The following ST6GALNAC3 variants were observed in gnomAD, a reference collection of about 807,000 sequenced individuals.
ST6GALNAC3 encodes alpha-N-acetylgalactosaminide alpha-2,6-sialyltransferase 3.
Under a neutral mutation model 32.7 loss-of-function variants are expected in ST6GALNAC3, and 25 were observed. The ratio of observed to expected loss-of-function variants is 0.76; its 90% CI spans 0.56 to 1.07. ST6GALNAC3 has a LOEUF of 1.07. Among genes scored for constraint, ST6GALNAC3 ranks in the 50% least tolerant of loss-of-function variants. The pLI is 0.00. For synonymous variants in ST6GALNAC3, 129 were observed against 133.1 expected, an observed-to-expected ratio of 0.97 and a Z score of 0.21; for missense variants, 355 against 382.4, an observed-to-expected ratio of 0.93 and a Z score of 0.60.
intron 3 of ST6GALNAC3, among the ~76,000 whole-genome samples, chr1:76,417,739 A>G (rs1009692443): frequency 6.6e-6 from 1 of 152,166 alleles, no homozygotes; most frequent in Non-Finnish European, 1.5e-5. Context: ...AGTCCCCATT[A>G]AAAGAGCAAA....
At chr1:76,475,900 C>A (rs1305997074) in intron 3 of ST6GALNAC3, among the ~76,000 whole-genome samples, 1 of 152,078 alleles carries the variant, frequency 6.6e-6, no homozygotes, top group African/African-American at 2.4e-5. Context: ...CTCACTGTGT[C>A]CTTCTGTTCT....
In ST6GALNAC3 at chr1:76,633,699, T is replaced by C. The variant is rs1649406826; in HGVS notation, c.*4893T>C. 1.3e-5 allele frequency: 2 copies of C among 152,312 alleles called. No homozygotes were observed. Among genetic ancestry groups the C allele is most frequent in the South Asian group, 2.1e-4 (1 of 4,828 alleles). The allele number at this position is 152,312 out of a possible 1,614,324, so 9.4% of individuals were successfully genotyped here. A position where few individuals can be genotyped will look rare whatever the true frequency, so the allele number is the denominator to read the frequency against. The stretch of plus-strand genomic sequence containing the variant: ...ACACCACCCTTTGGGTTCATGCTCA[T>C]CCCTGCACTCCATGTGACCTTTGAG... On this transcript the variant is annotated 3_prime_UTR_variant, in exon 5 of 5. Coordinates refer to ENST00000328299, the MANE Select transcript of ST6GALNAC3 (RefSeq NM_152996.4).
At chr1:76,314,175 A>G (rs145984911) in intron 2 of ST6GALNAC3, among the ~76,000 whole-genome samples, 176 bp downstream of exon 2, 99 of 152,202 alleles carry the variant, frequency 6.5e-4, no homozygotes, top group African/African-American at 2.3e-3. Context: ...ACAAATGTCT[A>G]AATCTGCCAC....
intron 2 of ST6GALNAC3, among the ~76,000 whole-genome samples, chr1:76,401,586 A>C (rs1296683646): frequency 6.6e-6 from 1 of 152,082 alleles, no homozygotes; most frequent in Non-Finnish European, 1.5e-5. Flanking sequence ...TGTGCTTAAA[A>C]CTTTATTTGT....
At chr1:76,113,335 CGGGAGA>C (rs1168358705) in intron 1 of ST6GALNAC3, among the ~76,000 whole-genome samples, 5 of 15,340 alleles carry the variant, frequency 3.3e-4, no homozygotes, top group South Asian at 1.8e-3. Context: ...CGTGGGGAGA[CGGGAGA>C]GGGAGGGGGA....
At chr1:76,334,993 T>C (rs989243313) in intron 2 of ST6GALNAC3, among the ~76,000 whole-genome samples, 1 of 152,186 alleles carries the variant, frequency 6.6e-6, no homozygotes, top group Non-Finnish European at 1.5e-5. Context: ...CCCAAAGCTC[T>C]TCTAATATTA....
intron 3 of ST6GALNAC3, among the ~76,000 whole-genome samples, chr1:76,466,416 C>T (rs1434194891): frequency 2.0e-5 from 3 of 151,920 alleles, no homozygotes; most frequent in Non-Finnish European, 4.4e-5. Flanking sequence ...GAGAGCAATC[C>T]ATGGAAATAC....
rs115238003 is a variant in ST6GALNAC3 at position 76,178,980 on chromosome 1, G to A, written c.18+104096G>A. Among the ~76,000 whole-genome samples the A allele has an allele frequency of 3.9e-3, 584 of 150,436 alleles. 5 individuals carry two copies. The highest frequency in any genetic ancestry group is 0.014 in the African/African-American group (567 of 41,364). ...GCTCTTTGTGGGCTGGTTTGCCCCC[G>A]GAACTATTGCTCTGAGTTCTTCTGT... is the stretch of plus-strand genomic sequence containing the variant. On this transcript the variant is annotated intron_variant, in intron 1 of 4. Coordinates refer to ENST00000328299, the MANE Select transcript of ST6GALNAC3 (RefSeq NM_152996.4).
At chr1:76,292,707 G>T (rs561525973) in intron 1 of ST6GALNAC3, among the ~76,000 whole-genome samples, 1 of 152,222 alleles carries the variant, frequency 6.6e-6, no homozygotes, top group East Asian at 1.9e-4. Context: ...TCCATTTGGG[G>T]TGTTCACTTC....
chr1:76,152,165 A>G (rs1651085515), intron 1 of ST6GALNAC3, among the ~76,000 whole-genome samples: 1 of 152,212 alleles, frequency 6.6e-6, no homozygotes, highest in Non-Finnish European at 1.5e-5. Flanking sequence ...AAAGTCTCCT[A>G]GGAAGATCAT....
intron 3 of ST6GALNAC3, among the ~76,000 whole-genome samples, chr1:76,485,993 T>C (rs909763075): frequency 1.3e-5 from 2 of 152,218 alleles, no homozygotes; most frequent in African/African-American, 4.8e-5. Context: ...CCAGTAGTCA[T>C]TCAGGAGCAG....
At chr1:76,602,801 C>T (rs142756897) in intron 3 of ST6GALNAC3, among the ~76,000 whole-genome samples, 266 of 151,390 alleles carry the variant, frequency 1.8e-3, no homozygotes, top group African/African-American at 6.3e-3. Flanking sequence ...AGATAAAAAG[C>T]AAACACACAA....
intron 1 of ST6GALNAC3, among the ~76,000 whole-genome samples, chr1:76,130,921 C>T (rs1463420224): frequency 6.6e-6 from 1 of 152,236 alleles, no homozygotes; most frequent in Non-Finnish European, 1.5e-5. Context: ...AAATATCCCA[C>T]TCAGAGTCAG....
intron 2 of ST6GALNAC3, among the ~76,000 whole-genome samples, chr1:76,370,046 A>G (rs1037754474): frequency 7.9e-5 from 12 of 152,188 alleles, no homozygotes; most frequent in Non-Finnish European, 2.9e-5. Context: ...AATTTGTAAA[A>G]TAATGTAGAA....
rs535953373 is a variant in ST6GALNAC3 at position 76,522,730 on chromosome 1, A to G, written c.624-104722A>G. Among the ~76,000 whole-genome samples, 4 of 152,292 alleles carry G rather than the reference A, an allele frequency of 2.6e-5. No homozygotes were observed. The South Asian group carries it at 6.2e-4, about 24-fold the overall frequency. On this transcript the variant is annotated intron_variant, in intron 3 of 4. Coordinates refer to ENST00000328299, the MANE Select transcript of ST6GALNAC3 (RefSeq NM_152996.4). ...TCCATGTTTCCAATTGAAGTGGGTC[A>G]TGAAAGACATTTCATGTGAAATTCG...
At chr1:76,514,138 C>T (rs1054091072) in intron 3 of ST6GALNAC3, among the ~76,000 whole-genome samples, 1 of 152,118 alleles carries the variant, frequency 6.6e-6, no homozygotes, top group Non-Finnish European at 1.5e-5. Flanking sequence ...TTCCAAATTG[C>T]ATGCCTTTTA....
At chr1:76,515,973 G>A (rs1240986173) in intron 3 of ST6GALNAC3, among the ~76,000 whole-genome samples, 1 of 152,134 alleles carries the variant, frequency 6.6e-6, no homozygotes, top group African/African-American at 2.4e-5. Flanking sequence ...TTTTCTGTCT[G>A]TATGATCTGT....
At chr1:76,221,532 C>A (rs1655770186) in intron 1 of ST6GALNAC3, among the ~76,000 whole-genome samples, 1 of 152,156 alleles carries the variant, frequency 6.6e-6, no homozygotes, top group Non-Finnish European at 1.5e-5. Context: ...CTTCATAGCT[C>A]CCCTTCCCCA....
intron 1 of ST6GALNAC3, among the ~76,000 whole-genome samples, chr1:76,215,278 G>GT (rs1165010753): frequency 6.6e-6 from 1 of 152,214 alleles, no homozygotes; most frequent in Non-Finnish European, 1.5e-5. Context: ...AGGACATGTA[G>GT]TTTAACCTCA....
Sources: gnomAD v4.1 joint callset for allele counts (sites outside exome capture counted in the v4.1 genomes callset) on GRCh38, gnomAD v4.1.1 for gene constraint, MANE v1.5 for transcripts, NCBI Gene and HGNC (gene_info 2026-07-23, HGNC 2026-07-21) for gene names.